Variants in IARS1 observed in about 807,000 individuals in gnomAD.
IARS1 encodes the protein isoleucyl-tRNA synthetase 1, also known as isoleucine--tRNA ligase, cytoplasmic.
Under a neutral mutation model 168.2 loss-of-function variants are expected in IARS1, and 124 were observed. That is an observed-to-expected ratio of 0.74 (90% CI 0.64 to 0.86). The LOEUF is 0.86. Ranked by LOEUF, IARS1 falls within the 40% of genes least tolerant of loss-of-function variation. The pLI is 0.00. For synonymous variants in IARS1, 532 were observed against 529.4 expected (o/e 1.00, Z -0.07); for missense variants, 1,452 against 1,515.8 (o/e 0.96, Z 0.70).
At chr9:92,278,531 T>C (rs992657666) in intron 7 of IARS1, among the ~76,000 whole-genome samples, 2 of 152,220 alleles carry the variant, frequency 1.3e-5, no homozygotes, top group African/African-American at 4.8e-5. Context: ...GATATCCATT[T>C]TAAGTAAATC....
At chr9:92,216,936 A>G (rs2133348452) in intron 33 of IARS1, among the ~76,000 whole-genome samples, 1 of 151,462 alleles carries the variant, frequency 6.6e-6, no homozygotes, top group East Asian at 1.9e-4. Context: ...GTAGACATCT[A>G]CAGAACTCTC....
At chr9:92,216,465 GAC>G (rs1186695049) in intron 33 of IARS1, among the ~76,000 whole-genome samples, 2 of 137,464 alleles carry the variant, frequency 1.5e-5, no homozygotes, top group Admixed American at 7.6e-5. Flanking sequence ...CCAATTAAAA[GAC>G]ACAGACTGGC....
chr9:92,222,622 G>C lies in IARS1; in HGVS notation c.3604C>G (p.Gln1202Glu), dbSNP rs763884060. 18 of 1,613,930 alleles carry C rather than the reference G, an allele frequency of 1.1e-5. No individual in the cohort carries two copies. Among genetic ancestry groups the C allele is most frequent in the Admixed American group, 1.7e-5 (1 of 59,978 alleles). ...AGACCTTGGTGGGTGAGTCCATTCT[G>C]CCCAAGTGGGTTTTCAAGCAGGAGA... ...GTLLLENPLG[Q>E]NGLTHQGLLY... Residue 1202 changes from glutamine to glutamate, a missense_variant, in exon 33 of 34, where the codon CAG (glutamine) becomes GAG (glutamate). Transcript: ENST00000443024.
rs73516561 is a variant in IARS1, at chr9:92,262,938, T to C, written c.1787+31A>G. 9,361 of 1,519,730 alleles carry C rather than the reference T, an allele frequency of 6.2e-3. 471 individuals are homozygous for C. The African/African-American group carries it at 0.11, about 18-fold the overall frequency. 94.1% of individuals were successfully genotyped at this position (1,519,730 alleles called of 1,614,324 possible). On this transcript the variant is annotated intron_variant, in intron 17 of 33. Transcript: ENST00000443024. ...TCTTAAGAAACAGTGGAGACAAAGT[T>C]CCACCCGTCACTACAACAAAGTTGA...
At position 92,246,175 on chromosome 9, in the gene IARS1, A is replaced by C. The variant is rs112045672; in HGVS notation, c.2792-1104T>G. On this transcript the variant is annotated intron_variant, in intron 26 of 33. Transcript: ENST00000443024. ...GTTATTTTAATATTTTGAGTTGATT[A>C]GTAATTAGTAATAACTTGAGGTTTA... is the stretch of plus-strand genomic sequence containing the variant. Among the ~76,000 whole-genome samples, 6 of 152,304 alleles carry C rather than the reference A, an allele frequency of 3.9e-5. 1 individual carries two copies. Among genetic ancestry groups the C allele is most frequent in the African/African-American group, 1.4e-4 (6 of 41,570 alleles).
At chr9:92,212,801 T>C (rs921003289) in intron 33 of IARS1, among the ~76,000 whole-genome samples, 1 of 152,048 alleles carries the variant, frequency 6.6e-6, no homozygotes, top group African/African-American at 2.4e-5. Flanking sequence ...TGGACAGAAT[T>C]AGCAAGACAG....
At chr9:92,214,175 C>T (rs544369354) in intron 33 of IARS1, among the ~76,000 whole-genome samples, 2 of 151,908 alleles carry the variant, frequency 1.3e-5, no homozygotes, top group Non-Finnish European at 2.9e-5. Context: ...AGGAACTAGA[C>T]GTATGCTTCT....
At chr9:92,221,036 T>C (rs1282146162) in intron 33 of IARS1, among the ~76,000 whole-genome samples, 4 of 151,814 alleles carry the variant, frequency 2.6e-5, no homozygotes, top group Non-Finnish European at 5.9e-5. Flanking sequence ...TACCAAAAAA[T>C]GTACACCTAG....
At chr9:92,258,827 A>T in intron 19 of IARS1, 27 bp downstream of exon 19, 1 of 1,570,582 alleles carries the variant, frequency 6.4e-7, no homozygotes, top group Non-Finnish European at 8.6e-7. Flanking sequence ...CACGGCAGGT[A>T]CATGTGCAGC....
At chr9:92,256,439 T>G (rs1045931322) in intron 20 of IARS1, 7 of 242,084 alleles carry the variant, frequency 2.9e-5, no homozygotes, top group African/African-American at 1.6e-4. Context: ...CCTGCCTGCC[T>G]TGGTCTCCCA....
In IARS1 at chr9:92,278,186, T is replaced by G; in HGVS notation, c.833+13A>C. Reference sequence around the variant, plus strand: ...CATGCACACAAACACAGAGCAACTATTTGAATATTCACCTTTCAAGGATCT... The same window carrying G: ...CATGCACACAAACACAGAGCAACTAGTTGAATATTCACCTTTCAAGGATCT... On this transcript the variant is annotated intron_variant, in intron 8 of 33. Transcript: ENST00000443024. 6.7e-7 allele frequency: 1 copy of G among 1,492,924 alleles called. No individual in the cohort carries two copies. Among genetic ancestry groups the G allele is most frequent in the Non-Finnish European group, 9.4e-7 (1 of 1,069,428 alleles). 92.5% of individuals were successfully genotyped at this position (1,492,924 alleles called of 1,614,324 possible).
At chr9:92,288,002 A>G (rs1263579699) in intron 3 of IARS1, 92 bp from the exon 4 acceptor site, 2 of 1,549,200 alleles carry the variant, frequency 1.3e-6, no homozygotes, top group African/African-American at 1.4e-5. Context: ...CAAACTACAA[A>G]TATTATAGAA....
At chr9:92,258,719 G>T in intron 19 of IARS1, 135 bp downstream of exon 19, 2 of 865,720 alleles carry the variant, frequency 2.3e-6, no homozygotes, top group Non-Finnish European at 3.4e-6. Context: ...CCTCCCCATG[G>T]CTCTAAGTTA....
intron 21 of IARS1, chr9:92,252,238 A>G (rs1207999666): frequency 2.3e-6 from 1 of 441,474 alleles, no homozygotes; most frequent in African/African-American, 2.0e-5. Context: ...CAAAAACTTT[A>G]AAGTACCTTT....
At chr9:92,251,751 A>T (rs763682634) in intron 22 of IARS1, 57 bp downstream of exon 22, 1 of 1,138,912 alleles carries the variant, frequency 8.8e-7, no homozygotes, top group Non-Finnish European at 1.3e-6. Flanking sequence ...TGCAGCAAGT[A>T]GGTGCTGAAG....
chr9:92,252,424 C>A, intron 21 of IARS1: 1 of 512,356 alleles, frequency 2.0e-6, no homozygotes, highest in South Asian at 1.4e-5. Context: ...TACATCTGCA[C>A]AAAAATGAAA....
At chr9:92,238,069 C>T (rs1260113655) in intron 30 of IARS1, among the ~76,000 whole-genome samples, 1 of 152,066 alleles carries the variant, frequency 6.6e-6, no homozygotes, top group Non-Finnish European at 1.5e-5. Flanking sequence ...CCAAGCCTGG[C>T]TAATTTTTGT....
At chr9:92,236,444 T>G (rs1827543059) in intron 30 of IARS1, among the ~76,000 whole-genome samples, 2 of 152,244 alleles carry the variant, frequency 1.3e-5, no homozygotes, top group Admixed American at 1.3e-4. Flanking sequence ...GCCTGGAGAT[T>G]AGTTCAGAGA....
intron 16 of IARS1, 63 bp downstream of exon 16, chr9:92,264,866 T>C: frequency 7.1e-7 from 1 of 1,417,330 alleles, no homozygotes; most frequent in African/African-American, 1.4e-5. Flanking sequence ...AGTGACTTAG[T>C]AAAATACTCC....
Sources: gnomAD v4.1 joint callset for allele counts (sites outside exome capture counted in the v4.1 genomes callset) on GRCh38, gnomAD v4.1.1 for gene constraint, MANE v1.5 for transcripts, NCBI Gene and HGNC (gene_info 2026-07-23, HGNC 2026-07-21) for gene names.